Variants in WDR36 observed in about 807,000 individuals in gnomAD.
The protein encoded by WDR36 is WD repeat-containing protein 36.
A neutral mutation model predicts 112.7 loss-of-function variants in WDR36; 63 were observed. That is an observed-to-expected ratio of 0.56 (90% CI 0.46 to 0.69). The LOEUF (loss-of-function observed/expected upper bound fraction) is 0.69. Among genes scored for constraint, WDR36 ranks in the 30% least tolerant of loss-of-function variants. The pLI is 0.00. For missense variants in WDR36, 1,226 were observed against 1,070.3 expected (o/e 1.15, Z -2.03); for synonymous variants, 410 against 362.2 (o/e 1.13, Z -1.50).
chr5:111,101,023 A>T (rs1753111759), intron 5 of WDR36, among the ~76,000 whole-genome samples: 1 of 152,032 alleles, frequency 6.6e-6, no homozygotes, highest in South Asian at 2.1e-4. Flanking sequence ...AGATTATTTA[A>T]AGTATATGCA....
intron 5 of WDR36, among the ~76,000 whole-genome samples, chr5:111,101,803 T>C (rs1471211115): frequency 2.0e-5 from 3 of 151,866 alleles, no homozygotes; most frequent in Admixed American, 6.6e-5. Flanking sequence ...CAATAGTGAC[T>C]GAAATACTGT....
chr5:111,100,055 A>G (rs1210010017), intron 4 of WDR36, among the ~76,000 whole-genome samples: 2 of 148,446 alleles, frequency 1.3e-5, no homozygotes, highest in Non-Finnish European at 3.0e-5. Context: ...CCACAGGGTT[A>G]TACGTTTTTT....
In WDR36 at chr5:111,125,800, G is replaced by T; in HGVS notation, c.2538+5G>T. 1 of 1,613,590 alleles carries T rather than the reference G, an allele frequency of 6.2e-7. No homozygotes were observed. The highest frequency in any genetic ancestry group is 8.5e-7 in the Non-Finnish European group (1 of 1,179,654). On this transcript the variant is annotated splice_donor_5th_base_variant and intron_variant, in intron 22 of 22. Transcript: ENST00000513710. Reference sequence around the variant, plus strand: ...TACCTTGCATTGTTTCTAAAGGTAAGTCTAATGTAAGACAGTACTGCCCAG... The same window carrying T: ...TACCTTGCATTGTTTCTAAAGGTAATTCTAATGTAAGACAGTACTGCCCAG...
intron 6 of WDR36, 86 bp downstream of exon 6, chr5:111,102,485 A>T: frequency 3.0e-6 from 4 of 1,342,404 alleles, no homozygotes; most frequent in South Asian, 2.4e-5. Context: ...TTTTAGACGT[A>T]AAGACGAAAC....
intron 5 of WDR36, 141 bp from the exon 6 acceptor site, chr5:111,102,204 G>A: frequency 2.9e-6 from 2 of 678,978 alleles, no homozygotes; most frequent in Non-Finnish European, 2.5e-6. Flanking sequence ...TGTGACATTA[G>A]CTTAATCATC....
chr5:111,127,796 T>C lies in WDR36; in HGVS notation c.*913T>C. The C allele has an allele frequency of 4.7e-6, 1 of 211,832 alleles. No individual in the cohort carries two copies. The highest frequency in any genetic ancestry group is 7.0e-5 in the East Asian group (1 of 14,198). 13.1% of individuals were successfully genotyped at this position (211,832 alleles called of 1,614,324 possible). A position where few individuals can be genotyped will look rare whatever the true frequency, so the allele number is the denominator to read the frequency against. On this transcript the variant is annotated 3_prime_UTR_variant, in exon 23 of 23. Coordinates refer to ENST00000513710, the MANE Select transcript of WDR36 (RefSeq NM_139281.3). ...TGCAGACATGTAGATAACAATAGTTTAATGTCCTCTGAAAAGGTAAAAATT... is the reference window on the plus strand; with the variant it reads ...TGCAGACATGTAGATAACAATAGTTCAATGTCCTCTGAAAAGGTAAAAATT...
Position 111,098,746 on chromosome 5 carries a change from A to G in WDR36, c.316A>G (p.Lys106Glu), listed in dbSNP as rs1315234970. 2.5e-6 allele frequency: 4 copies of G among 1,610,068 alleles called. No individual in the cohort carries two copies. In the South Asian group the frequency reaches 3.3e-5, roughly 13 times the overall value. Residue 106 changes from lysine to glutamate, a missense_variant, in exon 4 of 23, where the codon AAG becomes GAG. Coordinates refer to ENST00000513710, the MANE Select transcript of WDR36 (RefSeq NM_139281.3). ...GATAGTACATACCTTTAAGGGTCAT[A>G]AGGCAGAAATCCATTTCTTGCAACC... is the stretch of plus-strand genomic sequence containing the variant. ...KEIVHTFKGH[K>E]AEIHFLQPFG...
Position 111,119,057 on chromosome 5 carries a change from C to G in WDR36, c.1841C>G (p.Ser614Cys), listed in dbSNP as rs547578412. The change falls in exon 17 of 23, where the codon TCT becomes TGT. Residue 614 changes from serine (S) to cysteine (C), a missense_variant. Ser to Cys is a moderately radical substitution (Grantham distance 112, BLOSUM62 -1). Transcript: ENST00000513710. Reference sequence around the variant, plus strand: ...TTGGACTCGGCTCCTCTCAATGTTTCTATGTCTCCTACTGGAGACTTTCTG... The same window carrying G: ...TTGGACTCGGCTCCTCTCAATGTTTGTATGTCTCCTACTGGAGACTTTCTG... ...FLLDSAPLNV[S>C]MSPTGDFLAT... 6.2e-7 allele frequency: 1 copy of G among 1,613,486 alleles called. No individual in the cohort carries two copies. The highest frequency in any genetic ancestry group is 1.3e-5 in the African/African-American group (1 of 74,896).
intron 3 of WDR36, among the ~76,000 whole-genome samples, chr5:111,098,103 A>C (rs915473676): frequency 6.6e-6 from 1 of 152,106 alleles, no homozygotes; most frequent in Admixed American, 6.5e-5. Context: ...TAGGGGAACA[A>C]AATAGGGGTG....
At chr5:111,096,950 A>T in intron 2 of WDR36, 129 bp from the exon 3 acceptor site, 1 of 653,178 alleles carries the variant, frequency 1.5e-6, no homozygotes, top group South Asian at 1.8e-5. Flanking sequence ...TTATACACTG[A>T]TTCTCAACTT....
At chr5:111,103,368 C>T (rs1453884659) in intron 6 of WDR36, among the ~76,000 whole-genome samples, 1 of 151,750 alleles carries the variant, frequency 6.6e-6, no homozygotes, top group Non-Finnish European at 1.5e-5. Context: ...AGCAATTCTT[C>T]ACTTCCTTTG....
At chr5:111,120,437 T>A in intron 17 of WDR36, 59 bp from the exon 18 acceptor site, 1 of 1,330,120 alleles carries the variant, frequency 7.5e-7, no homozygotes, top group Non-Finnish European at 1.1e-6. Context: ...TTGTAGAGTG[T>A]TTCTCTGAAA....
chr5:111,118,019 C>G (rs192962123), intron 16 of WDR36, among the ~76,000 whole-genome samples: 7 of 152,238 alleles, frequency 4.6e-5, no homozygotes, highest in Admixed American at 2.6e-4. Context: ...TCACCATTCT[C>G]TCTGTTCAAA....
At position 111,126,994 on chromosome 5, in the gene WDR36, C is replaced by A; in HGVS notation, c.*111C>A. 1 of 1,061,896 alleles carries A rather than the reference C, an allele frequency of 9.4e-7. No individual in the cohort carries two copies. The highest frequency in any genetic ancestry group is 1.3e-6 in the Non-Finnish European group (1 of 744,672). The allele number at this position is 1,061,896 out of a possible 1,614,324, so 65.8% of individuals were successfully genotyped here. A position where few individuals can be genotyped will look rare whatever the true frequency, so the allele number is the denominator to read the frequency against. On this transcript the variant is annotated 3_prime_UTR_variant, in exon 23 of 23. Transcript: ENST00000513710. ...AGAAAATAAATGCTAGCACTACTGA[C>A]TAGTCAGTATATCTCCACTTTAAAT...
chr5:111,125,924 G>A lies in WDR36; in HGVS notation c.2538+129G>A, dbSNP rs11951907. The A allele has an allele frequency of 0.092, 79,248 of 860,348 alleles. 4,862 individuals are homozygous for A. The highest frequency in any genetic ancestry group is 0.23 in the South Asian group (15,999 of 69,824). 53.3% of individuals were successfully genotyped at this position (860,348 alleles called of 1,614,324 possible). A position where few individuals can be genotyped will look rare whatever the true frequency, so the allele number is the denominator to read the frequency against. ...CCAGTATCATAGCCACTTGCCACAT[G>A]TAGCTATTGAGTTCTTGAAATGTAA... is the stretch of plus-strand genomic sequence containing the variant. On this transcript the variant is annotated intron_variant, in intron 22 of 22. Coordinates refer to ENST00000513710, the MANE Select transcript of WDR36 (RefSeq NM_139281.3).
chr5:111,104,838 A>G (rs1753193143), intron 9 of WDR36, 21 bp downstream of exon 9: 3 of 1,610,056 alleles, frequency 1.9e-6, no homozygotes, highest in African/African-American at 2.7e-5. Flanking sequence ...GCTTCATACT[A>G]TTAGTTTATT....
chr5:111,100,863 T>TA, intron 5 of WDR36, 142 bp downstream of exon 5: 2 of 710,198 alleles, frequency 2.8e-6, no homozygotes, highest in Non-Finnish European at 4.5e-6. Flanking sequence ...GTCCCCTGTA[T>TA]CAGAGGAGTC....
chr5:111,116,470 G>GGA (rs1254801355), intron 16 of WDR36, among the ~76,000 whole-genome samples: 1 of 152,096 alleles, frequency 6.6e-6, no homozygotes, highest in Non-Finnish European at 1.5e-5. Context: ...TAGAACATAT[G>GGA]GAAGCAGTCT....
In WDR36 at chr5:111,124,249, G is replaced by C. The variant is rs2290680; in HGVS notation, c.2350+60G>C. On this transcript the variant is annotated intron_variant, in intron 21 of 22. Transcript: ENST00000513710. ...TTTAGCTTATTTTACTGTATATGAG[G>C]AGAAATTGAAGGAAATATCAGCGTT... 117,813 of 1,358,618 alleles carry C rather than the reference G, an allele frequency of 0.087. 6,643 individuals are homozygous for C. The highest frequency in any genetic ancestry group is 0.23 in the South Asian group (18,241 of 79,210). 84.2% of individuals were successfully genotyped at this position (1,358,618 alleles called of 1,614,324 possible). A position where few individuals can be genotyped will look rare whatever the true frequency, so the allele number is the denominator to read the frequency against.
Sources: gnomAD v4.1 joint callset for allele counts (sites outside exome capture counted in the v4.1 genomes callset) on GRCh38, gnomAD v4.1.1 for gene constraint, MANE v1.5 for transcripts, NCBI Gene and HGNC (gene_info 2026-07-23, HGNC 2026-07-21) for gene names.